The following SALL3 variants were observed in gnomAD, a reference collection of about 807,000 sequenced individuals.
SALL3 encodes spalt like transcription factor 3.
Under a neutral mutation model 66.2 loss-of-function variants are expected in SALL3, and 25 were observed. The ratio of observed to expected loss-of-function variants is 0.38; its 90% CI spans 0.28 to 0.53. The LOEUF (loss-of-function observed/expected upper bound fraction) is 0.53. SALL3 is among the 20% of genes least tolerant of loss of function. The pLI, the probability that SALL3 is intolerant of heterozygous loss-of-function variation, is 0.85. For synonymous variants in SALL3, 1,152 were observed against 899.1 expected (o/e 1.28, Z -5.03); for missense variants, 2,194 against 1,916.5 (o/e 1.14, Z -2.70).
chr18:78,996,288 G>C (rs1382584237), intron 2 of SALL3, among the ~76,000 whole-genome samples: 6 of 152,244 alleles, frequency 3.9e-5, no homozygotes, highest in Non-Finnish European at 8.8e-5. Context: ...TCTGTCGTCT[G>C]TGAAGTGCAC....
chr18:78,995,223 C>T lies in SALL3; in HGVS notation c.3232C>T (p.Pro1078Ser). The T allele has an allele frequency of 6.2e-7, 1 of 1,606,106 alleles. No individual in the cohort carries two copies. The highest frequency in any genetic ancestry group is 8.5e-7 in the Non-Finnish European group (1 of 1,179,670). ...HGKAMALGEG[P>S]PLPAGVQVPA... is the part of the protein sequence containing the mutation. ...CAAGGCCATGGCGCTGGGCGAGGGT[C>T]CCCCGCTGCCCGCGGGCGTCCAGGT... The change falls in exon 2 of 3, where the codon CCC becomes TCC. Residue 1078 changes from proline (P) to serine (S), a missense_variant. Coordinates refer to ENST00000537592, the MANE Select transcript of SALL3 (RefSeq NM_171999.4).
intron 1 of SALL3, among the ~76,000 whole-genome samples, chr18:78,986,938 A>G (rs181917774): frequency 6.4e-4 from 97 of 152,352 alleles, no homozygotes; most frequent in Non-Finnish European, 2.5e-4. Flanking sequence ...TTTTGAAGAA[A>G]GCATCGTCTT....
At chr18:78,991,928 A>G in intron 1 of SALL3, 146 bp from the exon 2 acceptor site, 1 of 554,640 alleles carries the variant, frequency 1.8e-6, no homozygotes, top group African/African-American at 2.0e-5. Flanking sequence ...AGCTAGAAAG[A>G]GTCATAGAAT....
chr18:78,996,846 C>A, intron 2 of SALL3, 45 bp from the exon 3 acceptor site: 1 of 1,541,058 alleles, frequency 6.5e-7, no homozygotes, highest in East Asian at 2.3e-5. Flanking sequence ...GCTCTGCCTC[C>A]GTGTCTAGGC....
At position 78,980,265 on chromosome 18, in the gene SALL3, C is replaced by T. The variant is rs1198676097; in HGVS notation, c.-10C>T. On this transcript the variant is annotated 5_prime_UTR_variant, in exon 1 of 3. Coordinates refer to ENST00000537592, the MANE Select transcript of SALL3 (RefSeq NM_171999.4). ...GCTGCCCCGCGCGGGGCCCGAGCGC[C>T]GCTAGCAGCATGTCTCGGCGCAAGC... is the stretch of plus-strand genomic sequence containing the variant. 45 of 1,332,048 alleles carry T rather than the reference C, an allele frequency of 3.4e-5. No individual in the cohort carries two copies. Among genetic ancestry groups the T allele is most frequent in the African/African-American group, 1.6e-5 (1 of 64,428 alleles). The allele number at this position is 1,332,048 out of a possible 1,614,324, so 82.5% of individuals were successfully genotyped here.
rs1199684201 is a variant in SALL3 at position 78,979,892 on chromosome 18, C to T, written c.-383C>T. ...GGAGGGACGGCCACCGCGGCCCGCGCCGCACCCGGGCCCCGCCACAGCCGC... is the reference window on the plus strand; with the variant it reads ...GGAGGGACGGCCACCGCGGCCCGCGTCGCACCCGGGCCCCGCCACAGCCGC... On this transcript the variant is annotated 5_prime_UTR_variant, in exon 1 of 3. Coordinates refer to ENST00000537592, the MANE Select transcript of SALL3 (RefSeq NM_171999.4). 3.5e-5 allele frequency among the ~76,000 whole-genome samples: 5 copies of T among 144,820 alleles called. No homozygotes were observed. The East Asian group carries it at 8.1e-4, about 24-fold the overall frequency.
At position 78,994,081 on chromosome 18, in the gene SALL3, A is replaced by G; in HGVS notation, c.2090A>G (p.His697Arg). 6.2e-7 allele frequency: 1 copy of G among 1,613,030 alleles called. No homozygotes were observed. The highest frequency in any genetic ancestry group is 8.5e-7 in the Non-Finnish European group (1 of 1,179,972). Residue 697 changes from histidine to arginine, a missense_variant, in exon 2 of 3, where the codon CAC becomes CGC. His to Arg is a conservative substitution (Grantham distance 29, BLOSUM62 0). Coordinates refer to ENST00000537592, the MANE Select transcript of SALL3 (RefSeq NM_171999.4). ...VLSCQSALKM[H>R]YRTHTGERPF... ...AGCTGCCAGAGCGCGCTGAAGATGC[A>G]CTACCGGACGCACACGGGGGAGCGG...
At chr18:78,989,829 G>A (rs1283112363) in intron 1 of SALL3, among the ~76,000 whole-genome samples, 1 of 152,190 alleles carries the variant, frequency 6.6e-6, no homozygotes, top group African/African-American at 2.4e-5. Flanking sequence ...TTTAGTTACA[G>A]TAGTTATTTC....
At position 78,998,944 on chromosome 18, in the gene SALL3, A is replaced by G. The variant is rs1007947199; in HGVS notation, c.*1622A>G. Reference sequence around the variant, plus strand: ...CGTTGCAAGTGTGCTGGCGTCTGACACTATGAACTTCCAACAACAAAATTG... The same window carrying G: ...CGTTGCAAGTGTGCTGGCGTCTGACGCTATGAACTTCCAACAACAAAATTG... On this transcript the variant is annotated 3_prime_UTR_variant, in exon 3 of 3. Coordinates refer to ENST00000537592, the MANE Select transcript of SALL3 (RefSeq NM_171999.4). 24 of 152,338 alleles carry G rather than the reference A, an allele frequency of 1.6e-4. No individual in the cohort carries two copies. Among genetic ancestry groups the G allele is most frequent in the East Asian group, 7.7e-4 (4 of 5,188 alleles). 9.4% of individuals were successfully genotyped at this position (152,338 alleles called of 1,614,324 possible). A position where few individuals can be genotyped will look rare whatever the true frequency, so the allele number is the denominator to read the frequency against.
At position 78,994,675 on chromosome 18, in the gene SALL3, C is replaced by A; in HGVS notation, c.2684C>A (p.Ala895Asp). 1 of 1,608,906 alleles carries A rather than the reference C, an allele frequency of 6.2e-7. No homozygotes were observed. Among genetic ancestry groups the A allele is most frequent in the Non-Finnish European group, 8.5e-7 (1 of 1,179,526 alleles). The part of the protein sequence containing the change: ...DLESRSAGSP[A>D]LSESSSSQAL... ...GAGAGCCGCAGCGCGGGCAGCCCCG[C>A]CCTGTCCGAGTCCTCGTCCTCGCAG... The change falls in exon 2 of 3, where the codon GCC becomes GAC. Residue 895 changes from alanine to aspartate, a missense_variant. Ala to Asp is a moderately radical substitution (Grantham distance 126). Coordinates refer to ENST00000537592, the MANE Select transcript of SALL3 (RefSeq NM_171999.4).
In SALL3 at chr18:78,994,644, G is replaced by A. The variant is rs776838246; in HGVS notation, c.2653G>A (p.Asp885Asn). Reference sequence around the variant, plus strand: ...CAACGACTCCTCGTCGGCCGTGGGCGACCTGGAGAGCCGCAGCGCGGGCAG... The same window carrying A: ...CAACGACTCCTCGTCGGCCGTGGGCAACCTGGAGAGCCGCAGCGCGGGCAG... The part of the protein sequence containing the change: ...LSNDSSSAVG[D>N]LESRSAGSPA... Residue 885 changes from aspartate to asparagine, a missense_variant, in exon 2 of 3, where the codon GAC becomes AAC. Transcript: ENST00000537592. The A allele has an allele frequency of 1.9e-6, 3 of 1,609,358 alleles. No individual in the cohort carries two copies. Among genetic ancestry groups the A allele is most frequent in the East Asian group, 2.2e-5 (1 of 44,800 alleles).
chr18:78,992,831 C>T lies in SALL3; in HGVS notation c.840C>T (p.Pro280=), dbSNP rs1238419484. 2.6e-5 allele frequency: 25 copies of T among 979,982 alleles called. No individual in the cohort carries two copies. Among genetic ancestry groups the T allele is most frequent in the Non-Finnish European group, 3.0e-5 (25 of 828,084 alleles). 60.7% of individuals were successfully genotyped at this position (979,982 alleles called of 1,614,324 possible). ...CCGCCGCCATCGCGGGCTCGGGCCC[C>T]GCCGCCCCGGCCGCCTTCGAGGGCG... ...APAAAIAGSG[P]AAPAAFEGAQ... Residue 280 remains proline (P), a synonymous_variant, in exon 2 of 3, where the codon CCC becomes CCT. Coordinates refer to ENST00000537592, the MANE Select transcript of SALL3 (RefSeq NM_171999.4).
intron 1 of SALL3, among the ~76,000 whole-genome samples, chr18:78,982,869 T>C (rs982225821): frequency 6.6e-6 from 1 of 152,230 alleles, no homozygotes; most frequent in Non-Finnish European, 1.5e-5. Context: ...GGAAAGCTAC[T>C]GATAATGTCC....
In SALL3 at chr18:78,998,748, G is replaced by A. The variant is rs1914782551; in HGVS notation, c.*1426G>A. 1 of 152,238 alleles carries A rather than the reference G, an allele frequency of 6.6e-6. No individual in the cohort carries two copies. The highest frequency in any genetic ancestry group is 1.5e-5 in the Non-Finnish European group (1 of 68,054). 9.4% of individuals were successfully genotyped at this position (152,238 alleles called of 1,614,324 possible). A position where few individuals can be genotyped will look rare whatever the true frequency, so the allele number is the denominator to read the frequency against. On this transcript the variant is annotated 3_prime_UTR_variant, in exon 3 of 3. Transcript: ENST00000537592. ...CAGTCATGACTTTGAAATTTTCCGA[G>A]TTCCTGATTTATTTATTATCTTCTC... is the stretch of plus-strand genomic sequence containing the variant.
At chr18:78,996,814 C>T in intron 2 of SALL3, 77 bp from the exon 3 acceptor site, 1 of 1,445,406 alleles carries the variant, frequency 6.9e-7, no homozygotes, top group Non-Finnish European at 9.3e-7. Flanking sequence ...GGACCTCTGT[C>T]TGCTGCGCTG....
In SALL3 at chr18:78,996,988, T is replaced by G. The variant is rs111936036; in HGVS notation, c.3569T>G (p.Leu1190Arg). ...ATGGCTCTCCTAGGGGGTGATGCCC[T>G]GAAGTTCTCTGAAATGTTCCAGAAG... ...NPMALLGGDA[L>R]KFSEMFQKDL... The change falls in exon 3 of 3, where the codon CTG (leucine) becomes CGG (arginine). Residue 1190 changes from leucine (L) to arginine (R), a missense_variant. Leu to Arg is a moderately radical substitution (Grantham distance 102). Coordinates refer to ENST00000537592, the MANE Select transcript of SALL3 (RefSeq NM_171999.4). 6 of 1,613,986 alleles carry G rather than the reference T, an allele frequency of 3.7e-6. No individual in the cohort carries two copies. In the South Asian group the frequency reaches 6.6e-5, roughly 18 times the overall value.
chr18:78,995,520 C>G, intron 2 of SALL3, 58 bp downstream of exon 2: 1 of 1,493,090 alleles, frequency 6.7e-7, no homozygotes, highest in Non-Finnish European at 8.8e-7. Flanking sequence ...CGGTGGCTTT[C>G]TCCATCACCT....
Position 78,980,170 on chromosome 18 carries a change from G to A in SALL3, c.-105G>A. ...ATGCGCGGCCCGCGCAGCCGCCGCCGCCCCGCGCCCCGCGCCGCGCGCCCG... is the reference window on the plus strand; with the variant it reads ...ATGCGCGGCCCGCGCAGCCGCCGCCACCCCGCGCCCCGCGCCGCGCGCCCG... On this transcript the variant is annotated 5_prime_UTR_variant, in exon 1 of 3. Transcript: ENST00000537592. The A allele has an allele frequency of 4.1e-6, 1 of 243,204 alleles. No individual in the cohort carries two copies. Among genetic ancestry groups the A allele is most frequent in the Non-Finnish European group, 6.5e-6 (1 of 154,930 alleles). The allele number at this position is 243,204 out of a possible 1,614,324, so 15.1% of individuals were successfully genotyped here.
intron 1 of SALL3, among the ~76,000 whole-genome samples, chr18:78,987,182 G>A (rs1568290441): frequency 1.3e-5 from 2 of 152,026 alleles, no homozygotes; most frequent in African/African-American, 4.8e-5. Flanking sequence ...TTTTTCACTT[G>A]TGGCTTTAAA....
Sources: allele counts gnomAD v4.1 joint callset (sites outside exome capture counted in the v4.1 genomes callset), GRCh38; gene constraint gnomAD v4.1.1; transcripts MANE v1.5; gene names NCBI Gene and HGNC (gene_info 2026-07-23, HGNC 2026-07-21).